Variants in TMEM268 observed in about 807,000 individuals in gnomAD.
TMEM268 encodes the protein transmembrane protein C9orf91.
TMEM268 carries 24 observed loss-of-function variants against 39.1 expected under a neutral mutation model. The observed-to-expected ratio is 0.61, with a 90% confidence interval of 0.44 to 0.86. The LOEUF (loss-of-function observed/expected upper bound fraction) is 0.86, where lower values mean the gene tolerates loss of function less well. Ranked by LOEUF, TMEM268 falls within the 40% of genes least tolerant of loss-of-function variation. The probability of loss-of-function intolerance (pLI) is 0.00; values close to 1 mark genes in which losing one functional copy is unlikely to be tolerated. For synonymous variants in TMEM268, 176 were observed against 173.5 expected, an observed-to-expected ratio of 1.01 and a Z score of -0.12; for missense variants, 409 against 428.6, an observed-to-expected ratio of 0.95 and a Z score of 0.40.
upstream of TMEM268, among the ~76,000 whole-genome samples, chr9:114,608,963 G>C (rs1181156324): frequency 6.6e-6 from 1 of 152,092 alleles, no homozygotes; most frequent in Non-Finnish European, 1.5e-5. Flanking sequence ...AGCCAGCTAA[G>C]TTCTGGGGTC....
chr9:114,622,475 G>T (rs1445378268), intron 2 of TMEM268: 3 of 985,156 alleles, frequency 3.0e-6, no homozygotes, highest in Non-Finnish European at 3.6e-6. Flanking sequence ...CTTTTGTCCA[G>T]TTTCTCTACT....
chr9:114,631,460 CAT>C (rs150745355), intron 5 of TMEM268, among the ~76,000 whole-genome samples: 2,335 of 152,200 alleles, frequency 0.015, 28 homozygotes, highest in Non-Finnish European at 0.024. Context: ...TATCAGCTGA[CAT>C]GTGTTAAGTG....
At chr9:114,607,970 T>C (rs1016728786), upstream of TMEM268, among the ~76,000 whole-genome samples, 14 of 151,518 alleles carry the variant, frequency 9.2e-5, no homozygotes, top group Non-Finnish European at 1.9e-4. Context: ...TGGGAGAGAG[T>C]GAGTAAAGAT....
At chr9:114,623,111 A>G (rs201906511) in intron 2 of TMEM268, among the ~76,000 whole-genome samples, 7,240 of 152,176 alleles carry the variant, frequency 0.048, 210 homozygotes, top group East Asian at 0.13. Flanking sequence ...AACAACAACA[A>G]CAACAACAAC....
In TMEM268 at chr9:114,638,496, A is replaced by G. The variant is rs767565790; in HGVS notation, c.667-48A>G. 4.9e-6 allele frequency: 7 copies of G among 1,422,002 alleles called. No homozygotes were observed. In the African/African-American group the frequency reaches 1.0e-4, roughly 21 times the overall value. The allele number at this position is 1,422,002 out of a possible 1,614,324, so 88.1% of individuals were successfully genotyped here. A position where few individuals can be genotyped will look rare whatever the true frequency, so the allele number is the denominator to read the frequency against. On this transcript the variant is annotated intron_variant, in intron 7 of 8. Transcript: ENST00000288502. ...TGGGGAGGGACTCAGCCTCGCAGAT[A>G]CCACCTGATTTAGGCACTCCTGAGC...
chr9:114,604,898 A>C, the TMEM268 span, among the ~76,000 whole-genome samples: 1 of 152,186 alleles, frequency 6.6e-6, no homozygotes, highest in Non-Finnish European at 1.5e-5. Context: ...GTTCAATGTC[A>C]CAGAGCAAGG....
At position 114,636,988 on chromosome 9, in the gene TMEM268, A is replaced by G. The variant is rs751601087; in HGVS notation, c.586-2A>G. ...GGTGGTCACTGCTGCTTCTCCCCAC[A>G]GCTTTGGTTTGTCTACTTCGACCTG... On this transcript the variant is annotated splice_acceptor_variant, in intron 6 of 8. Coordinates refer to ENST00000288502, the MANE Select transcript of TMEM268 (RefSeq NM_153045.4). LOFTEE classifies it high-confidence loss of function. The G allele has an allele frequency of 1.1e-5, 17 of 1,611,668 alleles. No homozygotes were observed. The South Asian group carries it at 1.5e-4, about 15-fold the overall frequency.
the TMEM268 span, among the ~76,000 whole-genome samples, chr9:114,604,796 G>A: frequency 3.3e-3 from 500 of 152,176 alleles, 2 homozygotes; most frequent in Non-Finnish European, 6.1e-3. Flanking sequence ...TATGTTCTAT[G>A]CACATATATA....
intron 8 of TMEM268, among the ~76,000 whole-genome samples, chr9:114,640,438 A>G (rs1351375467): frequency 1.3e-5 from 2 of 152,216 alleles, no homozygotes; most frequent in African/African-American, 4.8e-5. Context: ...ACATTTTTAC[A>G]GATTTTTCTC....
At chr9:114,621,058 C>T (rs1367770549) in intron 2 of TMEM268, among the ~76,000 whole-genome samples, 1 of 152,254 alleles carries the variant, frequency 6.6e-6, no homozygotes, top group East Asian at 1.9e-4. Flanking sequence ...CTTTTCCTCT[C>T]TGGGTGCAGT....
At chr9:114,640,282 G>A (rs749200481) in intron 8 of TMEM268, among the ~76,000 whole-genome samples, 17 of 152,130 alleles carry the variant, frequency 1.1e-4, no homozygotes, top group African/African-American at 3.6e-4. Flanking sequence ...TATCAAGTGT[G>A]TGCACATGTT....
chr9:114,610,188 C>T (rs538096412), upstream of TMEM268, among the ~76,000 whole-genome samples: 13 of 152,162 alleles, frequency 8.5e-5, no homozygotes, highest in African/African-American at 2.6e-4. Context: ...TACAGGCATG[C>T]GCCACCAGGC....
chr9:114,635,216 G>A (rs1002821690), intron 6 of TMEM268, among the ~76,000 whole-genome samples: 11 of 151,962 alleles, frequency 7.2e-5, no homozygotes, highest in Non-Finnish European at 1.0e-4. Context: ...GGCAGTGTGC[G>A]CCTGTAGTCC....
At chr9:114,605,849 T>C in the TMEM268 span, among the ~76,000 whole-genome samples, 2 of 152,062 alleles carry the variant, frequency 1.3e-5, no homozygotes, top group Non-Finnish European at 2.9e-5. Context: ...GAGGATCGCT[T>C]GAACCTGGGA....
intron 2 of TMEM268, among the ~76,000 whole-genome samples, chr9:114,621,143 G>C (rs1334138423): frequency 1.3e-5 from 2 of 151,906 alleles, no homozygotes; most frequent in East Asian, 3.9e-4. Context: ...TTTGAGACCA[G>C]GCTGGGCAAC....
chr9:114,624,309 G>A, intron 2 of TMEM268, 41 bp from the exon 3 acceptor site: 1 of 1,561,888 alleles, frequency 6.4e-7, no homozygotes, highest in Non-Finnish European at 8.7e-7. Flanking sequence ...AGCCTGGTAT[G>A]GTTATCACTC....
At chr9:114,618,061 G>C (rs993121140) in intron 2 of TMEM268, among the ~76,000 whole-genome samples, 12 of 151,878 alleles carry the variant, frequency 7.9e-5, no homozygotes, top group African/African-American at 2.7e-4. Flanking sequence ...ATTTTTAGTA[G>C]AGATGGGGTT....
chr9:114,630,295 C>CATCT (rs1846340654), intron 5 of TMEM268, among the ~76,000 whole-genome samples: 1 of 152,092 alleles, frequency 6.6e-6, no homozygotes, highest in African/African-American at 2.4e-5. Flanking sequence ...TCCATCCATC[C>CATCT]ATCCATCCAT....
At chr9:114,604,836 T>C in the TMEM268 span, among the ~76,000 whole-genome samples, 4 of 152,188 alleles carry the variant, frequency 2.6e-5, no homozygotes, top group Non-Finnish European at 5.9e-5. Context: ...GGTTAGACAC[T>C]GTAATCCCAC....
Sources: gnomAD v4.1 joint callset for allele counts (sites outside exome capture counted in the v4.1 genomes callset) on GRCh38, gnomAD v4.1.1 for gene constraint, MANE v1.5 for transcripts, NCBI Gene and HGNC (gene_info 2026-07-23, HGNC 2026-07-21) for gene names.